The following SYCP2 variants were observed in gnomAD, a reference collection of about 807,000 sequenced individuals.
SYCP2 encodes synaptonemal complex protein 2.
In SYCP2, 55 loss-of-function variants were observed where a neutral mutation model predicts 211.3. The observed-to-expected ratio is 0.26, with a 90% CI of 0.21 to 0.33. The LOEUF is 0.33. Ranked by LOEUF, SYCP2 falls within the 10% of genes least tolerant of loss-of-function variation. The pLI, the probability that SYCP2 is intolerant of heterozygous loss-of-function variation, is 1.00. For missense variants in SYCP2, 1,731 were observed against 1,752.0 expected, an observed-to-expected ratio of 0.99 and a Z score of 0.21; for synonymous variants, 570 against 555.2, an observed-to-expected ratio of 1.03 and a Z score of -0.37.
At chr20:59,886,324 A>C (rs1424720808) in intron 25 of SYCP2, among the ~76,000 whole-genome samples, 2 of 152,126 alleles carry the variant, frequency 1.3e-5, no homozygotes, top group African/African-American at 4.8e-5. Context: ...AAGACTGCAA[A>C]GAATGTACTA....
Position 59,922,371 on chromosome 20 carries a change from T to C in SYCP2, c.24+19A>G. ...ATTTTCAGAATGAAAATACTTACTT[T>C]TGGTCTAGGACTACATACCTGGAGA... On this transcript the variant is annotated intron_variant, in intron 3 of 44. Transcript: ENST00000357552. 1.3e-6 allele frequency: 2 copies of C among 1,567,202 alleles called. No homozygotes were observed. Among genetic ancestry groups the C allele is most frequent in the Non-Finnish European group, 1.7e-6 (2 of 1,163,926 alleles).
rs758691594 is a variant in SYCP2, at chr20:59,901,689, T to C, written c.1155A>G (p.Gln385=). The C allele has an allele frequency of 6.3e-7, 1 of 1,586,184 alleles. No individual in the cohort carries two copies. Among genetic ancestry groups the C allele is most frequent in the South Asian group, 1.2e-5 (1 of 86,102 alleles). The change falls in exon 16 of 45, where the codon CAA becomes CAG. Residue 385 remains glutamine (Q), a synonymous_variant. Transcript: ENST00000357552. ...DASLEITNVT[Q]KIFGATKHRE... The stretch of plus-strand genomic sequence containing the variant: ...TATGTTTAGTTGCACCAAAAATTTT[T>C]TGAGTTACATTAGTGATTTCTAGTG...
intron 2 of SYCP2, among the ~76,000 whole-genome samples, chr20:59,931,311 G>A (rs2060736152): frequency 6.6e-6 from 1 of 152,182 alleles, no homozygotes. Context: ...AGCTAATCAG[G>A]AGGCTGAAGT....
At chr20:59,883,599 A>G (rs1417220521) in intron 26 of SYCP2, among the ~76,000 whole-genome samples, 1 of 152,008 alleles carries the variant, frequency 6.6e-6, no homozygotes, top group African/African-American at 2.4e-5. Context: ...CCAGACAGAA[A>G]GAAAAATACT....
intron 1 of SYCP2, among the ~76,000 whole-genome samples, chr20:59,932,543 C>T (rs1200651353): frequency 6.6e-6 from 1 of 152,066 alleles, no homozygotes; most frequent in Non-Finnish European, 1.5e-5. Flanking sequence ...GGCGTGGTGG[C>T]GCGCCAAGTA....
intron 10 of SYCP2, 45 bp downstream of exon 10, chr20:59,915,120 T>C: frequency 8.2e-7 from 1 of 1,223,500 alleles, no homozygotes; most frequent in Non-Finnish European, 1.2e-6. Flanking sequence ...CTATCTGCTA[T>C]TCATAAATAT....
chr20:59,902,715 A>G (rs1419131643), intron 15 of SYCP2, among the ~76,000 whole-genome samples: 1 of 152,162 alleles, frequency 6.6e-6, no homozygotes, highest in Non-Finnish European at 1.5e-5. Context: ...TTGCTTTTGC[A>G]AATATATGCT....
intron 7 of SYCP2, among the ~76,000 whole-genome samples, chr20:59,918,147 A>T (rs556326022): frequency 1.4e-3 from 214 of 152,210 alleles, no homozygotes; most frequent in African/African-American, 5.0e-3. Context: ...CAAGACTGAA[A>T]TTTTTCTGAA....
At chr20:59,883,166 T>C (rs1600848942) in intron 26 of SYCP2, among the ~76,000 whole-genome samples, 1 of 152,060 alleles carries the variant, frequency 6.6e-6, no homozygotes, top group South Asian at 2.1e-4. Context: ...CTGACCAATA[T>C]GGTGAAACCC....
At chr20:59,918,149 T>C (rs1369377230) in intron 7 of SYCP2, among the ~76,000 whole-genome samples, 2 of 152,174 alleles carry the variant, frequency 1.3e-5, no homozygotes, top group Admixed American at 1.3e-4. Flanking sequence ...AGACTGAAAT[T>C]TTTCTGAACA....
At chr20:59,890,502 C>T (rs901917929) in intron 24 of SYCP2, among the ~76,000 whole-genome samples, 2 of 151,892 alleles carry the variant, frequency 1.3e-5, no homozygotes, top group African/African-American at 4.8e-5. Context: ...ACCTATGTAA[C>T]AAAACTGCAC....
chr20:59,910,369 T>C lies in SYCP2; in HGVS notation c.972+1381A>G, dbSNP rs1459340979. The stretch of plus-strand genomic sequence containing the variant: ...ATCATGTATACTGCTATAGTGTAAT[T>C]GCTTATTTTTTTTTTTTTTTTTTTT... On this transcript the variant is annotated intron_variant, in intron 14 of 44. Transcript: ENST00000357552. Among the ~76,000 whole-genome samples the C allele has an allele frequency of 2.0e-5, 3 of 147,162 alleles. 1 individual carries two copies. The highest frequency in any genetic ancestry group is 5.1e-5 in the African/African-American group (2 of 38,908).
At chr20:59,894,033 GT>G (rs1232056326) in intron 20 of SYCP2, among the ~76,000 whole-genome samples, 1 of 151,988 alleles carries the variant, frequency 6.6e-6, no homozygotes, top group African/African-American at 2.4e-5. Flanking sequence ...GTTTAGCTAA[GT>G]TTTTTATTTA....
intron 14 of SYCP2, among the ~76,000 whole-genome samples, chr20:59,911,450 CTTTG>C (rs1480178761): frequency 3.3e-5 from 5 of 152,166 alleles, no homozygotes; most frequent in South Asian, 2.1e-4. Flanking sequence ...AGTCAATTCA[CTTTG>C]TTTATGTGAA....
intron 2 of SYCP2, among the ~76,000 whole-genome samples, chr20:59,928,310 A>G (rs2060671291): frequency 6.6e-6 from 1 of 152,174 alleles, no homozygotes; most frequent in African/African-American, 2.4e-5. Context: ...TAACAAAAAG[A>G]TCTTAACAAG....
intron 16 of SYCP2, 55 bp downstream of exon 16, chr20:59,901,607 A>C (rs2060116977): frequency 8.9e-7 from 1 of 1,122,700 alleles, no homozygotes; most frequent in Admixed American, 2.5e-5. Context: ...TTATAACGCC[A>C]AACTGTTTCC....
At chr20:59,913,935 T>G in intron 12 of SYCP2, 40 bp downstream of exon 12, 1 of 1,501,058 alleles carries the variant, frequency 6.7e-7, no homozygotes, top group South Asian at 1.3e-5. Context: ...TGAGCTCTAT[T>G]TATTTGACAG....
At chr20:59,921,217 G>T in intron 4 of SYCP2, 93 bp downstream of exon 4, 1 of 1,057,162 alleles carries the variant, frequency 9.5e-7, no homozygotes, top group Non-Finnish European at 1.3e-6. Context: ...GCTTGCCCAA[G>T]CCTATTCATT....
chr20:59,900,046 T>C (rs1479767620), intron 18 of SYCP2, 92 bp downstream of exon 18: 4 of 1,326,024 alleles, frequency 3.0e-6, no homozygotes, highest in South Asian at 2.5e-5. Context: ...GCCAATAATA[T>C]ATAAATTCTA....
Sources: gnomAD v4.1 joint callset for allele counts (sites outside exome capture counted in the v4.1 genomes callset) on GRCh38, gnomAD v4.1.1 for gene constraint, MANE v1.5 for transcripts, NCBI Gene and HGNC (gene_info 2026-07-23, HGNC 2026-07-21) for gene names.